The following ERC2 variants were observed in gnomAD, a reference collection of about 807,000 sequenced individuals.
ERC2 encodes the protein ERC protein 2.
A neutral mutation model predicts 114.8 loss-of-function variants in ERC2; 42 were observed. That is an observed-to-expected ratio of 0.37 (90% CI 0.29 to 0.47). ERC2 has a LOEUF of 0.47. Among genes scored for constraint, ERC2 ranks in the 20% least tolerant of loss-of-function variants. ERC2 has a pLI of 0.99. For missense variants in ERC2, 939 were observed against 1,150.7 expected (o/e 0.82, Z 2.66); for synonymous variants, 454 against 425.5 (o/e 1.07, Z -0.82).
intron 17 of ERC2, among the ~76,000 whole-genome samples, chr3:55,548,378 T>C (rs3856715): frequency 0.35 from 53,672 of 152,140 alleles, 9,536 homozygotes; most frequent in Middle Eastern, 0.46. Context: ...TGGTCAGTTG[T>C]TACAGGAGAT....
chr3:56,325,887 T>C (rs2057340082), intron 2 of ERC2, among the ~76,000 whole-genome samples: 1 of 152,130 alleles, frequency 6.6e-6, no homozygotes, highest in South Asian at 2.1e-4. Context: ...AACCCAAGCT[T>C]TTAACCCCAA....
intron 2 of ERC2, among the ~76,000 whole-genome samples, chr3:56,364,506 T>C (rs2059079378): frequency 6.6e-6 from 1 of 152,222 alleles, no homozygotes; most frequent in Admixed American, 6.5e-5. Context: ...TAACTCTATT[T>C]AAATAAGCTG....
At chr3:55,994,463 T>C (rs999331001) in intron 10 of ERC2, among the ~76,000 whole-genome samples, 3 of 152,092 alleles carry the variant, frequency 2.0e-5, no homozygotes, top group African/African-American at 7.2e-5. Context: ...TACAAAAGAT[T>C]AGGCAAATTA....
chr3:56,327,383 T>A (rs1304619796), intron 2 of ERC2, among the ~76,000 whole-genome samples: 2 of 152,162 alleles, frequency 1.3e-5, no homozygotes, highest in African/African-American at 4.8e-5. Context: ...CGGGGGAAAC[T>A]GCTCCCATGA....
rs1393487730 is a variant in ERC2 at position 56,007,295 on chromosome 3, A to G, written c.1947T>C (p.His649=). The change falls in exon 10 of 18, where the codon CAT becomes CAC. Residue 649 remains histidine (H), a synonymous_variant. Transcript: ENST00000288221. Reference sequence around the variant, plus strand: ...GCCCCGCAGAGGCTAATGAAGATGCATGTTCTTTGAGGTCAATTAAACTAG... The same window carrying G: ...GCCCCGCAGAGGCTAATGAAGATGCGTGTTCTTTGAGGTCAATTAAACTAG... The part of the protein sequence containing the change: ...KESSLIDLKE[H]ASSLASAGLK... 3.8e-6 allele frequency: 6 copies of G among 1,599,824 alleles called. No individual in the cohort carries two copies. Among genetic ancestry groups the G allele is most frequent in the East Asian group, 2.2e-5 (1 of 44,478 alleles).
At chr3:56,420,085 A>G (rs1171538213) in intron 2 of ERC2, among the ~76,000 whole-genome samples, 1 of 151,952 alleles carries the variant, frequency 6.6e-6, no homozygotes, top group African/African-American at 2.4e-5. Flanking sequence ...AGATTTTCCA[A>G]GGGATGAATC....
rs934273096 is a variant in ERC2, at chr3:56,460,126, C to T, written c.-141+8122G>A. Among the ~76,000 whole-genome samples, 4 of 152,134 alleles carry T rather than the reference C, an allele frequency of 2.6e-5. No individual in the cohort carries two copies. The South Asian group carries it at 6.2e-4, about 24-fold the overall frequency. ...AACAATTAAGTCAGTGATGTAGTGG[C>T]CTTGGACTTCCCCAGCTGAAAGAAT... On this transcript the variant is annotated intron_variant, in intron 1 of 17. Coordinates refer to ENST00000288221, the MANE Select transcript of ERC2 (RefSeq NM_015576.3).
intron 2 of ERC2, among the ~76,000 whole-genome samples, chr3:56,324,794 C>A (rs565416967): frequency 6.6e-6 from 1 of 152,242 alleles, no homozygotes; most frequent in Admixed American, 6.5e-5. Flanking sequence ...CTCATTTCCT[C>A]TGGCTCTCAC....
intron 4 of ERC2, among the ~76,000 whole-genome samples, chr3:56,163,921 T>C (rs1423393377): frequency 1.3e-5 from 2 of 152,090 alleles, no homozygotes; most frequent in East Asian, 3.9e-4. Flanking sequence ...TGCTAGCTGG[T>C]TGCTTTGTAG....
chr3:56,158,018 G>C (rs565827321), intron 4 of ERC2, among the ~76,000 whole-genome samples: 9 of 152,310 alleles, frequency 5.9e-5, no homozygotes, highest in African/African-American at 2.2e-4. Context: ...GAGAGGGCAG[G>C]GACTGCTGGC....
chr3:56,228,518 G>C (rs1267432322), intron 3 of ERC2, among the ~76,000 whole-genome samples: 1 of 152,146 alleles, frequency 6.6e-6, no homozygotes, highest in Non-Finnish European at 1.5e-5. Flanking sequence ...TCCATGTCTA[G>C]CTTCTGTTGG....
At chr3:55,909,310 T>A (rs78872555) in intron 13 of ERC2, among the ~76,000 whole-genome samples, 1,892 of 152,290 alleles carry the variant, frequency 0.012, 39 homozygotes, top group African/African-American at 0.042. Context: ...AAACCAGAGT[T>A]CCCTCTCCTG....
intron 13 of ERC2, among the ~76,000 whole-genome samples, chr3:55,941,296 A>T (rs2066770987): frequency 6.6e-6 from 1 of 152,136 alleles, no homozygotes; most frequent in African/African-American, 2.4e-5. Flanking sequence ...ATGTAGATGC[A>T]CTGCCCTGAT....
chr3:56,346,236 GACTA>G (rs1404491958), intron 2 of ERC2, among the ~76,000 whole-genome samples: 3 of 152,132 alleles, frequency 2.0e-5, no homozygotes, highest in Non-Finnish European at 4.4e-5. Context: ...CATTTTTAGA[GACTA>G]AAATGACTAA....
chr3:56,202,165 C>T (rs2048444820), intron 3 of ERC2, among the ~76,000 whole-genome samples: 1 of 152,150 alleles, frequency 6.6e-6, no homozygotes, highest in South Asian at 2.1e-4. Context: ...CGTAATAACC[C>T]CAAGAACATC....
chr3:56,414,501 T>C (rs926527391), intron 2 of ERC2, among the ~76,000 whole-genome samples: 4 of 152,062 alleles, frequency 2.6e-5, no homozygotes, highest in African/African-American at 9.7e-5. Flanking sequence ...GGTAGGTGGA[T>C]CACGAGGTCA....
At chr3:55,707,371 TGA>T (rs2063546858) in intron 15 of ERC2, among the ~76,000 whole-genome samples, 1 of 152,152 alleles carries the variant, frequency 6.6e-6, no homozygotes, top group African/African-American at 2.4e-5. Flanking sequence ...CACAGAAGGT[TGA>T]GGCTGCAATA....
At chr3:56,070,856 G>A (rs536498200) in intron 7 of ERC2, among the ~76,000 whole-genome samples, 4 of 152,230 alleles carry the variant, frequency 2.6e-5, no homozygotes, top group South Asian at 2.1e-4. Flanking sequence ...CAAATGCACC[G>A]TGCTGCCTCT....
At chr3:56,467,525 C>G (rs1373993160) in intron 1 of ERC2, among the ~76,000 whole-genome samples, 4 of 152,106 alleles carry the variant, frequency 2.6e-5, no homozygotes, top group African/African-American at 9.7e-5. Context: ...TCTTCACTGT[C>G]CTAAGACGAT....
Sources: gnomAD v4.1 joint callset for allele counts (sites outside exome capture counted in the v4.1 genomes callset) on GRCh38, gnomAD v4.1.1 for gene constraint, MANE v1.5 for transcripts, NCBI Gene and HGNC (gene_info 2026-07-23, HGNC 2026-07-21) for gene names.